Variants in AGTPBP1 observed in about 807,000 individuals in gnomAD.
AGTPBP1 encodes cytosolic carboxypeptidase 1.
AGTPBP1 carries 70 observed loss-of-function variants against 143.9 expected under a neutral mutation model. The ratio of observed to expected loss-of-function variants is 0.49; its 90% CI spans 0.40 to 0.59. AGTPBP1 has a LOEUF of 0.59. AGTPBP1 is among the 20% of genes least tolerant of loss of function. AGTPBP1 has a pLI of 0.00. For missense variants in AGTPBP1, 1,229 were observed against 1,464.5 expected, an observed-to-expected ratio of 0.84 and a Z score of 2.62; for synonymous variants, 463 against 500.2, an observed-to-expected ratio of 0.93 and a Z score of 0.99.
At position 85,585,489 on chromosome 9, in the gene AGTPBP1, C is replaced by G. The variant is rs183740657; in HGVS notation, c.3139G>C (p.Asp1047His). Residue 1047 changes from aspartate (D) to histidine (H), a missense_variant, in exon 23 of 26, where the codon GAT becomes CAT. Physicochemically the swap from Asp to His is moderately conservative, Grantham distance 81. Transcript: ENST00000357081. ...CTGTATCCCGTATCCTCCACAACAT[C>G]ACATGAAGTTGCATTATCATTGGTA... ...WHTNDNATSC[D>H]VVEDTGYRTL... 5 of 1,607,884 alleles carry G rather than the reference C, an allele frequency of 3.1e-6. No individual in the cohort carries two copies. The East Asian group carries it at 6.7e-5, about 22-fold the overall frequency.
At chr9:85,634,741 T>A (rs1016133916) in intron 13 of AGTPBP1, among the ~76,000 whole-genome samples, 1 of 152,204 alleles carries the variant, frequency 6.6e-6, no homozygotes, top group African/African-American at 2.4e-5. Flanking sequence ...AAAAATCTTT[T>A]TGCAAAGAGT....
chr9:85,577,436 C>T (rs1484175114), intron 24 of AGTPBP1, among the ~76,000 whole-genome samples: 2 of 152,150 alleles, frequency 1.3e-5, no homozygotes, highest in Non-Finnish European at 2.9e-5. Flanking sequence ...CTGAATGAGA[C>T]CCTTAACAAC....
At chr9:85,699,039 G>A (rs1587929585) in intron 2 of AGTPBP1, among the ~76,000 whole-genome samples, 1 of 152,022 alleles carries the variant, frequency 6.6e-6, no homozygotes, top group Non-Finnish European at 1.5e-5. Flanking sequence ...ATTTGTAACT[G>A]TCAGTGTTAT....
the AGTPBP1 span, among the ~76,000 whole-genome samples, chr9:85,804,550 C>A: frequency 6.6e-6 from 1 of 152,178 alleles, no homozygotes; most frequent in Non-Finnish European, 1.5e-5. Flanking sequence ...ATCTTCAACT[C>A]CCCTCTAACT....
intron 3 of AGTPBP1, among the ~76,000 whole-genome samples, chr9:85,682,427 G>A (rs754432849): frequency 2.0e-5 from 3 of 152,138 alleles, no homozygotes; most frequent in Non-Finnish European, 4.4e-5. Context: ...GAATAAATCT[G>A]TACAAGTCGC....
intron 3 of AGTPBP1, among the ~76,000 whole-genome samples, chr9:85,687,264 A>T (rs1043762046): frequency 6.6e-6 from 1 of 152,216 alleles, no homozygotes; most frequent in Admixed American, 6.5e-5. Context: ...AATTAAAAAG[A>T]TATACAATTT....
At chr9:85,725,883 T>C (rs1432450487) in intron 1 of AGTPBP1, among the ~76,000 whole-genome samples, 2 of 150,896 alleles carry the variant, frequency 1.3e-5, no homozygotes, top group Non-Finnish European at 3.0e-5. Context: ...CCGTCTCTAC[T>C]AAAAATACAA....
intron 25 of AGTPBP1, among the ~76,000 whole-genome samples, chr9:85,569,040 G>A (rs1827288465): frequency 6.6e-6 from 1 of 152,008 alleles, no homozygotes; most frequent in African/African-American, 2.4e-5. Flanking sequence ...ACAGAAAGCA[G>A]GTAAATTGAG....
intron 3 of AGTPBP1, among the ~76,000 whole-genome samples, chr9:85,686,282 A>C (rs2134205330): frequency 6.6e-6 from 1 of 152,248 alleles, no homozygotes; most frequent in African/African-American, 2.4e-5. Context: ...TCATGCAAAC[A>C]GCAACCGTAG....
chr9:85,753,597 T>C, the AGTPBP1 span, among the ~76,000 whole-genome samples: 1 of 151,932 alleles, frequency 6.6e-6, no homozygotes, highest in East Asian at 1.9e-4. Flanking sequence ...ACTAAAAATA[T>C]AAAAATTAGC....
chr9:85,649,593 G>A (rs1833026187), intron 11 of AGTPBP1, among the ~76,000 whole-genome samples: 1 of 152,076 alleles, frequency 6.6e-6, no homozygotes, highest in South Asian at 2.1e-4. Context: ...TTTAGCTAGA[G>A]TTTTCAAAAC....
In AGTPBP1 at chr9:85,575,366, C is replaced by T; in HGVS notation, c.3452G>A (p.Ser1151Asn). 1 of 1,605,720 alleles carries T rather than the reference C, an allele frequency of 6.2e-7. No homozygotes were observed. The highest frequency in any genetic ancestry group is 8.5e-7 in the Non-Finnish European group (1 of 1,177,596). The change falls in exon 25 of 26, where the codon AGC (serine) becomes AAC (asparagine). Residue 1151 changes from serine (S) to asparagine (N), a missense_variant. Transcript: ENST00000357081. ...TSPLEYNLPS[S>N]LLDFENDLIE... ...TAAATCATTTTCAAAGTCAAGCAGG[C>T]TGGAAGGCAGATTATACTCCAATGG...
At chr9:85,790,741 T>C in the AGTPBP1 span, among the ~76,000 whole-genome samples, 1 of 152,192 alleles carries the variant, frequency 6.6e-6, no homozygotes. Context: ...GATATTATGT[T>C]CTACTGGTTA....
At chr9:85,669,107 C>T (rs1049209306) in intron 8 of AGTPBP1, among the ~76,000 whole-genome samples, 1 of 149,926 alleles carries the variant, frequency 6.7e-6, no homozygotes, top group African/African-American at 2.4e-5. Flanking sequence ...TAAGATTGTT[C>T]AGGTATTCAT....
the AGTPBP1 span, among the ~76,000 whole-genome samples, chr9:85,797,296 A>G: frequency 6.6e-6 from 1 of 151,988 alleles, no homozygotes. Context: ...TAAGGTAGAG[A>G]CAAAGTCTCA....
chr9:85,735,026 C>T lies in AGTPBP1; in HGVS notation c.-34+6749G>A, dbSNP rs143585947. Among the ~76,000 whole-genome samples the T allele has an allele frequency of 2.3e-4, 35 of 152,198 alleles. No homozygotes were observed. The East Asian group carries it at 5.8e-3, about 25-fold the overall frequency. ...CTCCAGCCTGGGCAACACAGCGAGA[C>T]TCCATCTAAAAAAATTTTAAAAATA... On this transcript the variant is annotated intron_variant, in intron 1 of 25. Transcript: ENST00000357081.
At chr9:85,802,905 T>G in the AGTPBP1 span, among the ~76,000 whole-genome samples, 1 of 152,228 alleles carries the variant, frequency 6.6e-6, no homozygotes, top group Non-Finnish European at 1.5e-5. Context: ...GTGGCAGACA[T>G]AACATCTGCT....
chr9:85,735,398 T>C (rs1334983501), intron 1 of AGTPBP1, among the ~76,000 whole-genome samples: 1 of 152,158 alleles, frequency 6.6e-6, no homozygotes, highest in Non-Finnish European at 1.5e-5. Flanking sequence ...GGAGAGTAAT[T>C]GTTTAATATA....
chr9:85,744,067 T>C (rs367772129), upstream of AGTPBP1, among the ~76,000 whole-genome samples: 2 of 151,948 alleles, frequency 1.3e-5, no homozygotes, highest in East Asian at 1.9e-4. Flanking sequence ...TATCTGGGAC[T>C]ACAGGCACAC....
Sources: gnomAD v4.1 joint callset for allele counts (sites outside exome capture counted in the v4.1 genomes callset) on GRCh38, gnomAD v4.1.1 for gene constraint, MANE v1.5 for transcripts, NCBI Gene and HGNC (gene_info 2026-07-23, HGNC 2026-07-21) for gene names.